Variants in TEX14 observed in about 807,000 individuals in gnomAD.
The protein encoded by TEX14 is inactive serine/threonine-protein kinase TEX14.
TEX14 carries 168 observed loss-of-function variants against 178.6 expected under a neutral mutation model. The observed-to-expected ratio is 0.94, with a 90% CI of 0.83 to 1.07. The LOEUF (loss-of-function observed/expected upper bound fraction) is 1.07. Ranked by LOEUF, TEX14 falls within the 50% of genes least tolerant of loss-of-function variation. TEX14 has a pLI of 0.00. For missense variants in TEX14, 1,730 were observed against 1,753.6 expected (o/e 0.99, Z 0.24); for synonymous variants, 626 against 634.1 (o/e 0.99, Z 0.19).
At chr17:58,672,338 C>T (rs2047317582) in intron 1 of TEX14, among the ~76,000 whole-genome samples, 1 of 152,192 alleles carries the variant, frequency 6.6e-6, no homozygotes, top group African/African-American at 2.4e-5. Flanking sequence ...TCCCATTTCC[C>T]CAGCACTGCT....
intron 1 of TEX14, among the ~76,000 whole-genome samples, chr17:58,684,462 CA>C (rs989811341): frequency 1.3e-3 from 171 of 135,782 alleles, no homozygotes; most frequent in Admixed American, 2.2e-3. Flanking sequence ...AACTCCGTCC[CA>C]AAAAAAAAAA....
intron 2 of TEX14, among the ~76,000 whole-genome samples, chr17:58,647,733 C>T (rs1476893146): frequency 6.6e-6 from 1 of 151,788 alleles, no homozygotes; most frequent in Non-Finnish European, 1.5e-5. Flanking sequence ...CTTCCTCTGT[C>T]GCCCAGGCTA....
At chr17:58,632,442 T>A (rs796956393) in intron 2 of TEX14, among the ~76,000 whole-genome samples, 17 of 152,326 alleles carry the variant, frequency 1.1e-4, no homozygotes, top group African/African-American at 4.1e-4. Flanking sequence ...TCTTCCCACC[T>A]CAGCCTTCCA....
intron 1 of TEX14, among the ~76,000 whole-genome samples, chr17:58,652,323 G>A (rs776912810): frequency 6.6e-6 from 1 of 152,114 alleles, no homozygotes; most frequent in Non-Finnish European, 1.5e-5. Flanking sequence ...TCCCCACAAC[G>A]TCATGGGAGG....
intron 2 of TEX14, among the ~76,000 whole-genome samples, chr17:58,639,681 T>A (rs1175882399): frequency 2.0e-5 from 3 of 151,960 alleles, no homozygotes; most frequent in African/African-American, 7.3e-5. Context: ...GGCTCCACGG[T>A]TCTGGTAAAG....
At chr17:58,672,378 A>C (rs2047318247) in intron 1 of TEX14, among the ~76,000 whole-genome samples, 1 of 152,038 alleles carries the variant, frequency 6.6e-6, no homozygotes, top group East Asian at 1.9e-4. Flanking sequence ...ATCTTCCAGC[A>C]CTCTTACTCC....
rs575701179 is a variant in TEX14 at position 58,615,294 on chromosome 17, G to T, written c.819C>A (p.Thr273=). The change falls in exon 8 of 32, where the codon ACC becomes ACA. Residue 273 remains threonine, a synonymous_variant. Transcript: ENST00000349033. ...RVTVKELNLP[T]HPHCSRLRLA... ...GCCGCAGCCTGCTGCAGTGTGGGTG[G>T]GTGGGGAGATTCAGCTCTTTCACTG... is the stretch of plus-strand genomic sequence containing the variant. 2.5e-4 allele frequency: 409 copies of T among 1,613,826 alleles called. 7 individuals are homozygous for T. In the South Asian group the frequency reaches 3.8e-3, roughly 15 times the overall value.
Position 58,613,493 on chromosome 17 carries a change from C to T in TEX14, c.933G>A (p.Gln311=). The change falls in exon 9 of 32, where the codon CAG becomes CAA. Residue 311 remains glutamine (Q), a synonymous_variant. Transcript: ENST00000349033. ...LLQLMAVCLS[Q]DLEKTRLVYE... ...ACACAAGGCGGGTTTTCTCTAGGTCCTGGGAGAGACACACAGCCATCAACT... is the reference window on the plus strand; with the variant it reads ...ACACAAGGCGGGTTTTCTCTAGGTCTTGGGAGAGACACACAGCCATCAACT... 6.2e-7 allele frequency: 1 copy of T among 1,614,054 alleles called. No individual in the cohort carries two copies. The highest frequency in any genetic ancestry group is 8.5e-7 in the Non-Finnish European group (1 of 1,179,994).
At chr17:58,565,677 T>C (rs2044381886) in intron 27 of TEX14, 70 bp downstream of exon 27, 4 of 1,133,106 alleles carry the variant, frequency 3.5e-6, no homozygotes, top group Non-Finnish European at 5.2e-6. Flanking sequence ...CACTTCCCTA[T>C]ATGTACCACT....
intron 2 of TEX14, among the ~76,000 whole-genome samples, chr17:58,635,973 G>A (rs1489680722): frequency 1.3e-5 from 2 of 152,094 alleles, no homozygotes; most frequent in Non-Finnish European, 2.9e-5. Flanking sequence ...TTGAACTCCC[G>A]ACCTCAGGTG....
At chr17:58,560,023 T>C (rs1425252641) in intron 29 of TEX14, among the ~76,000 whole-genome samples, 1 of 152,250 alleles carries the variant, frequency 6.6e-6, no homozygotes, top group Admixed American at 6.5e-5. Context: ...AAGTGAAATA[T>C]GTAAATAATT....
intron 1 of TEX14, among the ~76,000 whole-genome samples, chr17:58,683,226 A>G (rs1217472428): frequency 6.6e-6 from 1 of 151,468 alleles, no homozygotes; most frequent in Non-Finnish European, 1.5e-5. Flanking sequence ...TACAAAAATT[A>G]GCTGGGCATG....
chr17:58,581,564 A>C, intron 19 of TEX14: 1 of 1,597,834 alleles, frequency 6.3e-7, no homozygotes, highest in South Asian at 1.1e-5. Flanking sequence ...GAAATAAGGC[A>C]ATGGAGAAAG....
chr17:58,660,415 AAAT>A (rs745782857), intron 1 of TEX14: 15 of 409,346 alleles, frequency 3.7e-5, no homozygotes, highest in Middle Eastern at 9.1e-4. Flanking sequence ...AAAATAAATA[AAAT>A]AATAATAATA....
intron 1 of TEX14, among the ~76,000 whole-genome samples, chr17:58,669,335 G>A (rs1294539199): frequency 1.3e-5 from 2 of 151,544 alleles, no homozygotes; most frequent in Admixed American, 6.6e-5. Context: ...CTGGGCGAAA[G>A]AGCGACACTC....
chr17:58,561,349 T>C (rs754039853), intron 29 of TEX14, among the ~76,000 whole-genome samples, 171 bp downstream of exon 29: 6 of 152,228 alleles, frequency 3.9e-5, no homozygotes, highest in Non-Finnish European at 7.3e-5. Flanking sequence ...TCTTGAGTAC[T>C]GTGGGTGGTC....
rs564196095 is a variant in TEX14 at position 58,584,514 on chromosome 17, C to G, written c.3157G>C (p.Glu1053Gln). The G allele has an allele frequency of 6.2e-7, 1 of 1,613,852 alleles. No homozygotes were observed. The highest frequency in any genetic ancestry group is 1.3e-5 in the African/African-American group (1 of 75,022). The change falls in exon 19 of 32, where the codon GAG becomes CAG. Residue 1053 changes from glutamate to glutamine, a missense_variant. By Grantham distance (29) the Glu-to-Gln change is conservative. Coordinates refer to ENST00000349033, the MANE Select transcript of TEX14 (RefSeq NM_031272.5). ...GTATTACTTACACTGTAAGATTTCT[C>G]TACAGCCACCAATGTGTCAGAACTT... is the stretch of plus-strand genomic sequence containing the variant. ...QASSDTLVAV[E>Q]KSYSTSSPIE...
chr17:58,569,259 T>C lies in TEX14; in HGVS notation c.3819A>G (p.Val1273=), dbSNP rs773772415. ...HATQRRSLPK[V]EAFSQHHIDE... is the part of the protein sequence containing the mutation. ...CAATGTGATGCTGTGAGAAGGCTTC[T>C]ACTAGTTTTTAAAAAAGACAAAAGG... Residue 1273 remains valine (V), a splice_region_variant and synonymous_variant, in exon 26 of 32, where the codon GTA becomes GTG. Transcript: ENST00000349033. The surrounding 1 kb of genome is among the most constrained non-coding windows in gnomAD (Gnocchi z 4.1). 3 of 1,613,744 alleles carry C rather than the reference T, an allele frequency of 1.9e-6. No homozygotes were observed. The highest frequency in any genetic ancestry group is 4.5e-5 in the East Asian group (2 of 44,866).
At chr17:58,584,006 C>T (rs1025826067) in intron 19 of TEX14, among the ~76,000 whole-genome samples, 2 of 152,176 alleles carry the variant, frequency 1.3e-5, no homozygotes, top group Non-Finnish European at 1.5e-5. Flanking sequence ...AGCCCTGAAG[C>T]AAGGCTGTAA....
Sources: allele counts gnomAD v4.1 joint callset (sites outside exome capture counted in the v4.1 genomes callset), GRCh38; gene constraint gnomAD v4.1.1; non-coding constraint Gnocchi (gnomAD v3.1); transcripts MANE v1.5; gene names NCBI Gene and HGNC (gene_info 2026-07-23, HGNC 2026-07-21).